The following WDR70 variants were observed in gnomAD, a reference collection of about 807,000 sequenced individuals.
WDR70 encodes the protein WD repeat-containing protein 70.
A neutral mutation model predicts 88.6 loss-of-function variants in WDR70; 53 were observed. The ratio of observed to expected loss-of-function variants is 0.60; its 90% CI spans 0.48 to 0.75. The LOEUF (loss-of-function observed/expected upper bound fraction) is 0.75. Ranked by LOEUF, WDR70 falls within the 30% of genes least tolerant of loss-of-function variation. The pLI is 0.00. For synonymous variants in WDR70, 280 were observed against 270.0 expected (o/e 1.04, Z -0.36); for missense variants, 610 against 823.2 (o/e 0.74, Z 3.17).
Position 37,646,227 on chromosome 5 carries a change from A to G in WDR70, c.1092+40989A>G, listed in dbSNP as rs539082293. On this transcript the variant is annotated intron_variant, in intron 10 of 17. Coordinates refer to ENST00000265107, the MANE Select transcript of WDR70 (RefSeq NM_018034.4). Reference sequence around the variant, plus strand: ...GTGGCAACTTAACACTGATCTCATAAATAAACTAAAAAACAAACAAAGAGA... The same window carrying G: ...GTGGCAACTTAACACTGATCTCATAGATAAACTAAAAAACAAACAAAGAGA... Among the ~76,000 whole-genome samples, 4 of 152,226 alleles carry G rather than the reference A, an allele frequency of 2.6e-5. No individual in the cohort carries two copies. The South Asian group carries it at 6.2e-4, about 24-fold the overall frequency.
intron 17 of WDR70, among the ~76,000 whole-genome samples, chr5:37,728,595 C>A (rs527856017): frequency 2.0e-5 from 3 of 152,066 alleles, no homozygotes; most frequent in African/African-American, 7.2e-5. Context: ...TGGAATGAGA[C>A]CATGCATGTT....
chr5:37,526,651 A>G (rs1741284765), intron 9 of WDR70, among the ~76,000 whole-genome samples: 1 of 152,200 alleles, frequency 6.6e-6, no homozygotes, highest in Admixed American at 6.5e-5. Flanking sequence ...GGCAGGAGAA[A>G]GAAATACAGG....
intron 7 of WDR70, among the ~76,000 whole-genome samples, chr5:37,468,985 G>A (rs1274745499): frequency 6.6e-6 from 1 of 152,172 alleles, no homozygotes; most frequent in Non-Finnish European, 1.5e-5. Context: ...CATGGATACT[G>A]AGGGCTGACT....
intron 8 of WDR70, among the ~76,000 whole-genome samples, chr5:37,497,352 TCTCTTCCCTTCC>T (rs1740254885): frequency 1.6e-5 from 2 of 123,876 alleles, no homozygotes; most frequent in Non-Finnish European, 3.4e-5. Flanking sequence ...CCTCTTCCCT[TCTCTTCCCTTCC>T]CTCTTCCCTT....
chr5:37,508,240 A>C (rs1376708853), intron 8 of WDR70, among the ~76,000 whole-genome samples: 2 of 152,140 alleles, frequency 1.3e-5, no homozygotes, highest in Non-Finnish European at 2.9e-5. Flanking sequence ...AGGTGAGGTC[A>C]TGAGGGTGGA....
At chr5:37,687,488 G>T (rs565923301) in intron 10 of WDR70, among the ~76,000 whole-genome samples, 3 of 152,210 alleles carry the variant, frequency 2.0e-5, no homozygotes, top group Admixed American at 2.0e-4. Context: ...ACTGGATGGG[G>T]CTTGTTTTGT....
chr5:37,593,493 G>A (rs1341155087), intron 9 of WDR70, among the ~76,000 whole-genome samples: 1 of 152,122 alleles, frequency 6.6e-6, no homozygotes, highest in Non-Finnish European at 1.5e-5. Flanking sequence ...CCTTTTTTAT[G>A]GCTGCATAGT....
intron 10 of WDR70, among the ~76,000 whole-genome samples, chr5:37,692,606 GA>G (rs1746833650): frequency 6.6e-6 from 1 of 152,012 alleles, no homozygotes; most frequent in Non-Finnish European, 1.5e-5. Flanking sequence ...CAGAACCAAT[GA>G]AAAACACCAC....
intron 5 of WDR70, among the ~76,000 whole-genome samples, chr5:37,426,178 A>G (rs955575039): frequency 6.6e-6 from 1 of 152,226 alleles, no homozygotes; most frequent in Non-Finnish European, 1.5e-5. Context: ...AATCAGGGTA[A>G]TAAGTGTCAT....
intron 9 of WDR70, among the ~76,000 whole-genome samples, chr5:37,577,975 C>G (rs1314815189): frequency 6.6e-6 from 1 of 152,110 alleles, no homozygotes; most frequent in Non-Finnish European, 1.5e-5. Flanking sequence ...GGAACACAAA[C>G]TAGCTTTTTA....
At chr5:37,524,999 A>G (rs566316623) in intron 9 of WDR70, among the ~76,000 whole-genome samples, 2 of 152,288 alleles carry the variant, frequency 1.3e-5, no homozygotes, top group South Asian at 4.2e-4. Context: ...GAGACCTACA[A>G]AGAGACTTAG....
chr5:37,581,091 A>G (rs1451809121), intron 9 of WDR70, among the ~76,000 whole-genome samples: 1 of 152,200 alleles, frequency 6.6e-6, no homozygotes, highest in Non-Finnish European at 1.5e-5. Context: ...GTTAAGCCTC[A>G]GGATCTCCAA....
chr5:37,516,718 TA>T (rs1272364116), intron 9 of WDR70, 128 bp downstream of exon 9: 2 of 158,788 alleles, frequency 1.3e-5, no homozygotes, highest in African/African-American at 7.1e-5. Flanking sequence ...TATACATATA[TA>T]TATATATTTT....
intron 11 of WDR70, among the ~76,000 whole-genome samples, chr5:37,700,641 G>T (rs1044411170): frequency 5.9e-5 from 9 of 152,188 alleles, no homozygotes; most frequent in Non-Finnish European, 1.2e-4. Flanking sequence ...ACTGTTTTCA[G>T]TCCTGATAGT....
intron 7 of WDR70, among the ~76,000 whole-genome samples, chr5:37,472,346 A>AT (rs1194004700): frequency 1.3e-5 from 2 of 151,636 alleles, no homozygotes; most frequent in East Asian, 3.9e-4. Context: ...ATATTTTCCT[A>AT]TTTTTTTGAC....
At chr5:37,538,238 GCC>G (rs1741720501) in intron 9 of WDR70, among the ~76,000 whole-genome samples, 2 of 152,026 alleles carry the variant, frequency 1.3e-5, no homozygotes, top group African/African-American at 4.8e-5. Context: ...CTCCTCTCCT[GCC>G]TCTCATTTTG....
intron 10 of WDR70, among the ~76,000 whole-genome samples, chr5:37,607,131 C>T (rs568420047): frequency 5.9e-5 from 9 of 151,516 alleles, no homozygotes; most frequent in East Asian, 3.9e-4. Context: ...TTGGTAGAGA[C>T]GGGGTTCCAC....
intron 10 of WDR70, among the ~76,000 whole-genome samples, chr5:37,667,255 T>C (rs780774851): frequency 6.6e-6 from 1 of 152,232 alleles, no homozygotes; most frequent in Non-Finnish European, 1.5e-5. Flanking sequence ...GAGGTGTCAT[T>C]CACTGAGGGC....
At chr5:37,530,435 AT>A (rs914065736) in intron 9 of WDR70, among the ~76,000 whole-genome samples, 2 of 150,982 alleles carry the variant, frequency 1.3e-5, no homozygotes, top group African/African-American at 2.4e-5. Context: ...TCTGTCCTAG[AT>A]TTTTTTTCGT....
Sources: allele counts gnomAD v4.1 joint callset (sites outside exome capture counted in the v4.1 genomes callset), GRCh38; gene constraint gnomAD v4.1.1; transcripts MANE v1.5; gene names NCBI Gene and HGNC (gene_info 2026-07-23, HGNC 2026-07-21).